Variants in TP63 observed in about 807,000 individuals in gnomAD.
TP63 encodes the protein tumor protein 63.
In TP63, 17 loss-of-function variants were observed where a neutral mutation model predicts 82.8. The ratio of observed to expected loss-of-function variants is 0.21; its 90% CI spans 0.14 to 0.31. The LOEUF (loss-of-function observed/expected upper bound fraction) is 0.31. Ranked by LOEUF, TP63 falls within the 10% of genes least tolerant of loss-of-function variation. TP63 has a pLI of 1.00. For missense variants in TP63, 648 were observed against 895.3 expected (o/e 0.72, Z 3.52); for synonymous variants, 330 against 321.7 (o/e 1.03, Z -0.28).
intron 1 of TP63, among the ~76,000 whole-genome samples, chr3:189,704,570 CT>C (rs1281459054): frequency 6.6e-6 from 1 of 152,176 alleles, no homozygotes; most frequent in Non-Finnish European, 1.5e-5. Context: ...AGAGCAGTTA[CT>C]GTGCTTGGTT....
chr3:189,703,427 A>AATAGATACATAGATAG (rs1717961302), intron 1 of TP63, among the ~76,000 whole-genome samples: 1 of 143,142 alleles, frequency 7.0e-6, no homozygotes, highest in African/African-American at 2.6e-5. Context: ...CCCTGTCTAA[A>AATAGATACATAGATAG]ATAGATAGAT....
chr3:189,682,319 A>G (rs1236388200), intron 1 of TP63, among the ~76,000 whole-genome samples: 5 of 151,238 alleles, frequency 3.3e-5, no homozygotes, highest in African/African-American at 7.3e-5. Flanking sequence ...AAAATTAATA[A>G]TAAACTTCCA....
At chr3:189,659,562 T>A (rs1713692503) in intron 1 of TP63, among the ~76,000 whole-genome samples, 1 of 152,074 alleles carries the variant, frequency 6.6e-6, no homozygotes, top group Non-Finnish European at 1.5e-5. Flanking sequence ...ATTTTTTTCT[T>A]TTGTGTATGT....
At chr3:189,609,292 G>A in the TP63 span, among the ~76,000 whole-genome samples, 5 of 151,954 alleles carry the variant, frequency 3.3e-5, no homozygotes, top group South Asian at 2.1e-4. Flanking sequence ...CCTGAAAAAC[G>A]GTAATATTCA....
chr3:189,750,771 G>A (rs1721757797), intron 3 of TP63, among the ~76,000 whole-genome samples: 1 of 151,950 alleles, frequency 6.6e-6, no homozygotes, highest in Non-Finnish European at 1.5e-5. Context: ...TATGATCCTT[G>A]GTGGAATTTC....
At chr3:189,878,585 T>C (rs1194400861) in intron 10 of TP63, among the ~76,000 whole-genome samples, 1 of 85,664 alleles carries the variant, frequency 1.2e-5, no homozygotes, top group Non-Finnish European at 2.6e-5. Flanking sequence ...ATATATAATT[T>C]TTTTTTTCTT....
intron 1 of TP63, among the ~76,000 whole-genome samples, chr3:189,709,624 A>G (rs1470380598): frequency 6.6e-6 from 1 of 152,110 alleles, no homozygotes; most frequent in African/African-American, 2.4e-5. Context: ...CAGCCTGGGC[A>G]ACAGAGCAAG....
In TP63 at chr3:189,731,997, G is replaced by A. The variant is rs150997480; in HGVS notation, c.63-5743G>A. On this transcript the variant is annotated intron_variant, in intron 1 of 13. Coordinates refer to ENST00000264731, the MANE Select transcript of TP63 (RefSeq NM_003722.5). The stretch of plus-strand genomic sequence containing the variant: ...TTAATACTGAGCATGAAAAGAAAAG[G>A]CCATGAAAATCCCCTAACATAGACC... Among the ~76,000 whole-genome samples the A allele has an allele frequency of 1.5e-3, 232 of 152,222 alleles. 4 individuals carry two copies. The South Asian group carries it at 0.028, about 19-fold the overall frequency.
the TP63 span, among the ~76,000 whole-genome samples, chr3:189,624,612 G>A: frequency 1.3e-5 from 2 of 152,204 alleles, no homozygotes; most frequent in Admixed American, 6.5e-5. Flanking sequence ...CAAGAATAGT[G>A]ATAAATTCTA....
chr3:189,785,925 A>G (rs2108584304), intron 3 of TP63, among the ~76,000 whole-genome samples: 1 of 152,172 alleles, frequency 6.6e-6, no homozygotes, highest in South Asian at 2.1e-4. Context: ...ATTAAAACAT[A>G]GAAGGATTGA....
intron 3 of TP63, among the ~76,000 whole-genome samples, chr3:189,800,481 A>G (rs557611831): frequency 2.4e-4 from 36 of 151,616 alleles, no homozygotes; most frequent in African/African-American, 8.2e-4. Context: ...TGAGTAAAAA[A>G]AAAAAAAAGA....
intron 6 of TP63, 116 bp from the exon 7 acceptor site, chr3:189,867,717 G>A: frequency 1.0e-6 from 1 of 964,032 alleles, no homozygotes; most frequent in Non-Finnish European, 1.6e-6. Context: ...TGCCCTTTTA[G>A]GAGGAAGCGT....
intron 1 of TP63, among the ~76,000 whole-genome samples, chr3:189,672,664 A>AAGGAAG (rs1715010926): frequency 2.5e-5 from 3 of 118,674 alleles, no homozygotes; most frequent in South Asian, 3.1e-4. Flanking sequence ...AAGGAAGGAA[A>AAGGAAG]GAAGGAAGGA....
chr3:189,802,527 A>G (rs9852134), intron 3 of TP63, among the ~76,000 whole-genome samples: 14,722 of 152,206 alleles, frequency 0.097, 800 homozygotes, highest in Non-Finnish European at 0.13. Context: ...CTCTCATTGA[A>G]TCCTCAAATT....
In TP63 at chr3:189,892,153, A is replaced by G. The variant is rs548302533; in HGVS notation, c.1746+1271A>G. Among the ~76,000 whole-genome samples, 10 of 152,304 alleles carry G rather than the reference A, an allele frequency of 6.6e-5. No individual in the cohort carries two copies. The East Asian group carries it at 9.6e-4, about 15-fold the overall frequency. On this transcript the variant is annotated intron_variant, in intron 13 of 13. Coordinates refer to ENST00000264731, the MANE Select transcript of TP63 (RefSeq NM_003722.5). ...CCACTGAAGAGAACAGAGTTGCCCT[A>G]TATTTGAGAGAGTCTCCTGTAGTAG...
At chr3:189,692,461 T>C (rs906761283) in intron 1 of TP63, among the ~76,000 whole-genome samples, 1 of 152,056 alleles carries the variant, frequency 6.6e-6, no homozygotes, top group Non-Finnish European at 1.5e-5. Flanking sequence ...CCCACTTTTA[T>C]TTACTATGTG....
At chr3:189,816,348 G>C (rs546821552) in intron 4 of TP63, among the ~76,000 whole-genome samples, 2 of 152,100 alleles carry the variant, frequency 1.3e-5, no homozygotes, top group African/African-American at 4.8e-5. Context: ...TGGGATTGTC[G>C]CTCTTGGTAC....
chr3:189,896,754 C>A lies in TP63; in HGVS notation c.*2252C>A. 1 of 205,036 alleles carries A rather than the reference C, an allele frequency of 4.9e-6. No homozygotes were observed. The highest frequency in any genetic ancestry group is 1.0e-5 in the Non-Finnish European group (1 of 99,906). 12.7% of individuals were successfully genotyped at this position (205,036 alleles called of 1,614,324 possible). A position where few individuals can be genotyped will look rare whatever the true frequency, so the allele number is the denominator to read the frequency against. On this transcript the variant is annotated 3_prime_UTR_variant, in exon 14 of 14. Coordinates refer to ENST00000264731, the MANE Select transcript of TP63 (RefSeq NM_003722.5). ...ATTTGGCACTAGCCAAAGCGAGGCA[C>A]CCTTACTGGCTTACCTCCTCATGGC...
chr3:189,832,122 G>A (rs928621218), intron 4 of TP63, among the ~76,000 whole-genome samples: 2 of 151,980 alleles, frequency 1.3e-5, no homozygotes, highest in Non-Finnish European at 2.9e-5. Context: ...GATCCACCAC[G>A]CCCAGCACTA....
Sources: allele counts gnomAD v4.1 joint callset (sites outside exome capture counted in the v4.1 genomes callset), GRCh38; gene constraint gnomAD v4.1.1; transcripts MANE v1.5; gene names NCBI Gene and HGNC (gene_info 2026-07-23, HGNC 2026-07-21).